STRN4: variants seen among roughly 807,000 people sequenced by gnomAD.
The protein encoded by STRN4 is striatin-4.
In STRN4, 27 loss-of-function variants were observed where a neutral mutation model predicts 77.9. The ratio of observed to expected loss-of-function variants is 0.35; its 90% CI spans 0.26 to 0.48. STRN4 has a LOEUF of 0.48. Among genes scored for constraint, STRN4 ranks in the 20% least tolerant of loss-of-function variants. The probability of loss-of-function intolerance (pLI) is 0.99; values close to 1 mark genes in which losing one functional copy is unlikely to be tolerated. For synonymous variants in STRN4, 466 were observed against 443.1 expected, an observed-to-expected ratio of 1.05 and a Z score of -0.65; for missense variants, 798 against 1,049.7, an observed-to-expected ratio of 0.76 and a Z score of 3.31.
At chr19:46,726,577 T>C (rs536370213) in intron 9 of STRN4, among the ~76,000 whole-genome samples, 18 of 151,176 alleles carry the variant, frequency 1.2e-4, no homozygotes, top group South Asian at 1.0e-3. Flanking sequence ...CACGTGACCA[T>C]GAAGGGGAGG....
chr19:46,744,208 A>C (rs2122424064), intron 1 of STRN4, among the ~76,000 whole-genome samples: 1 of 152,294 alleles, frequency 6.6e-6, no homozygotes, highest in Admixed American at 6.5e-5. Flanking sequence ...TGCCTACATC[A>C]CAGGGCATTG....
At chr19:46,721,868 A>C in intron 16 of STRN4, 118 bp downstream of exon 16, 1 of 1,098,080 alleles carries the variant, frequency 9.1e-7, no homozygotes, top group Non-Finnish European at 1.3e-6. Context: ...ATTCCCGCCC[A>C]GACCAGCCTC....
intron 3 of STRN4, among the ~76,000 whole-genome samples, chr19:46,737,558 C>T (rs950879453): frequency 1.4e-5 from 2 of 144,228 alleles, no homozygotes; most frequent in African/African-American, 5.0e-5. Context: ...ACATCCTCTG[C>T]CCTACACTGT....
In STRN4 at chr19:46,737,704, G is replaced by A. The variant is rs112496707; in HGVS notation, c.460+460C>T. 1.6e-3 allele frequency among the ~76,000 whole-genome samples: 248 copies of A among 152,276 alleles called. 2 individuals are homozygous for A. Among genetic ancestry groups the A allele is most frequent in the African/African-American group, 5.3e-3 (219 of 41,534 alleles). On this transcript the variant is annotated intron_variant, in intron 3 of 17. Coordinates refer to ENST00000263280, the MANE Select transcript of STRN4 (RefSeq NM_013403.3). ...GGAGCTTAGACTCTAAGGGACCAGA[G>A]GGTAGAGACCATGTCTCCCGTGCTC... is the stretch of plus-strand genomic sequence containing the variant.
intron 1 of STRN4, among the ~76,000 whole-genome samples, chr19:46,743,737 T>G (rs1167742595): frequency 1.3e-5 from 2 of 151,824 alleles, no homozygotes; most frequent in African/African-American, 4.8e-5. Flanking sequence ...CCATCTCTAC[T>G]AAAAATACAA....
chr19:46,732,891 T>G (rs903263273), intron 5 of STRN4, 148 bp downstream of exon 5: 2 of 927,910 alleles, frequency 2.2e-6, no homozygotes, highest in African/African-American at 1.7e-5. Context: ...GTGAAGGGAC[T>G]CAGGGTTTCA....
chr19:46,737,866 C>G (rs191171442), intron 3 of STRN4, among the ~76,000 whole-genome samples: 1 of 152,298 alleles, frequency 6.6e-6, no homozygotes, highest in Non-Finnish European at 1.5e-5. Flanking sequence ...GCACCGTCCC[C>G]AGCACTCTAT....
rs1405014367 is a variant in STRN4 at position 46,738,050 on chromosome 19, G to A, written c.460+114C>T. 45 of 1,116,396 alleles carry A rather than the reference G, an allele frequency of 4.0e-5. No individual in the cohort carries two copies. Among genetic ancestry groups the A allele is most frequent in the Non-Finnish European group, 5.7e-5 (42 of 732,522 alleles). 69.2% of individuals were successfully genotyped at this position (1,116,396 alleles called of 1,614,324 possible). On this transcript the variant is annotated intron_variant, in intron 3 of 17. Coordinates refer to ENST00000263280, the MANE Select transcript of STRN4 (RefSeq NM_013403.3). This position sits in a 1 kb window ranked among gnomAD's most constrained non-coding sequence, Gnocchi z 4.5. The stretch of plus-strand genomic sequence containing the variant: ...TCCGCCCCTCCCCAGCCCCGGGGCC[G>A]ATTCTGCCTTCTAAGGAGCAAAGTG...
Position 46,727,917 on chromosome 19 carries a change from G to A in STRN4, c.1130C>T (p.Thr377Ile), listed in dbSNP as rs760107449. 32 of 1,611,420 alleles carry A rather than the reference G, an allele frequency of 2.0e-5. No individual in the cohort carries two copies. The highest frequency in any genetic ancestry group is 1.5e-4 in the Admixed American group (9 of 59,820). The change falls in exon 8 of 18, where the codon ACA becomes ATA. Residue 377 changes from threonine to isoleucine, a missense_variant. Thr to Ile is a moderately conservative substitution (Grantham distance 89, BLOSUM62 -1). Transcript: ENST00000263280. ...PPKVTGPPPGTPQPRPHEDVF... is the reference protein window; with the variant it reads ...PPKVTGPPPGIPQPRPHEDVF... Reference sequence around the variant, plus strand: ...ACCTTCATGTGGCCGGGGCTGGGGTGTGCCAGGAGGCGGGCCAGTCACTTT... The same window carrying A: ...ACCTTCATGTGGCCGGGGCTGGGGTATGCCAGGAGGCGGGCCAGTCACTTT...
At position 46,738,294 on chromosome 19, in the gene STRN4, G is replaced by T; in HGVS notation, c.387-57C>A. 6.7e-7 allele frequency: 1 copy of T among 1,501,248 alleles called. No homozygotes were observed. 93.0% of individuals were successfully genotyped at this position (1,501,248 alleles called of 1,614,324 possible). A position where few individuals can be genotyped will look rare whatever the true frequency, so the allele number is the denominator to read the frequency against. On this transcript the variant is annotated intron_variant, in intron 2 of 17. Coordinates refer to ENST00000263280, the MANE Select transcript of STRN4 (RefSeq NM_013403.3). This position sits in a 1 kb window ranked among gnomAD's most constrained non-coding sequence, Gnocchi z 4.5. ...TGCGGGAGAGTAGACAGGGTCAGTA[G>T]TTACCTAAGGAATCCAGAATCCCAA...
At chr19:46,728,839 C>T (rs906658625) in intron 6 of STRN4, 62 bp from the exon 7 acceptor site, 40 of 1,590,756 alleles carry the variant, frequency 2.5e-5, no homozygotes, top group African/African-American at 8.1e-5. Context: ...AAGCCACCTC[C>T]GTGCCTAGGA....
Position 46,723,408 on chromosome 19 carries a change from A to G in STRN4, c.1595-124T>C. Reference sequence around the variant, plus strand: ...CTCCAATCACCCACGCACCCACTTCACACCTGGTGCCCCTCGGAACTGTCC... The same window carrying G: ...CTCCAATCACCCACGCACCCACTTCGCACCTGGTGCCCCTCGGAACTGTCC... On this transcript the variant is annotated intron_variant, in intron 12 of 17. Coordinates refer to ENST00000263280, the MANE Select transcript of STRN4 (RefSeq NM_013403.3). This position sits in a 1 kb window ranked among gnomAD's most constrained non-coding sequence, Gnocchi z 5.5. 1 of 1,228,534 alleles carries G rather than the reference A, an allele frequency of 8.1e-7. No homozygotes were observed. The highest frequency in any genetic ancestry group is 1.1e-6 in the Non-Finnish European group (1 of 906,360). The allele number at this position is 1,228,534 out of a possible 1,614,324, so 76.1% of individuals were successfully genotyped here.
Position 46,738,395 on chromosome 19 carries a change from G to A in STRN4, c.387-158C>T, listed in dbSNP as rs2054411546. Among the ~76,000 whole-genome samples, 1 of 152,076 alleles carries A rather than the reference G, an allele frequency of 6.6e-6. No homozygotes were observed. The highest frequency in any genetic ancestry group is 2.1e-4 in the South Asian group (1 of 4,828). The stretch of plus-strand genomic sequence containing the variant: ...ATCCCCCCACACCCCTGGCCTGGTG[G>A]AAGAAACCACTCCCTGGAGTCAGGC... On this transcript the variant is annotated intron_variant, in intron 2 of 17. Transcript: ENST00000263280. This position sits in a 1 kb window ranked among gnomAD's most constrained non-coding sequence, Gnocchi z 4.5.
In STRN4 at chr19:46,730,853, C is replaced by A. The variant is rs1466808240; in HGVS notation, c.758G>T (p.Gly253Val). The A allele has an allele frequency of 1.2e-6, 2 of 1,611,684 alleles. No homozygotes were observed. The highest frequency in any genetic ancestry group is 1.7e-6 in the Non-Finnish European group (2 of 1,179,994). Reference protein sequence around the residue: ...QIKRNAAGKDGKERLGGSVLG... With the variant: ...QIKRNAAGKDVKERLGGSVLG... Reference sequence around the variant, plus strand: ...CACTGAGCCGCCCAAGCGCTCTTTGCCATCTTTGCCTGCCGCGTTCCTGCC... The same window carrying A: ...CACTGAGCCGCCCAAGCGCTCTTTGACATCTTTGCCTGCCGCGTTCCTGCC... The change falls in exon 6 of 18, where the codon GGC (glycine) becomes GTC (valine). Residue 253 changes from glycine (G) to valine (V), a missense_variant. Gly to Val is a moderately radical substitution (Grantham distance 109, BLOSUM62 -3). This residue lies in a region of STRN4 where 511 missense variants were observed against 575.9 expected (regional missense o/e 0.89). Transcript: ENST00000263280.
At chr19:46,729,656 C>T (rs898632575) in intron 6 of STRN4, among the ~76,000 whole-genome samples, 1 of 152,204 alleles carries the variant, frequency 6.6e-6, no homozygotes, top group African/African-American at 2.4e-5. Context: ...GAGGGGCACA[C>T]GAGTGGCAAT....
At position 46,733,090 on chromosome 19, in the gene STRN4, A is replaced by G; in HGVS notation, c.686T>C (p.Leu229Pro). The G allele has an allele frequency of 6.2e-7, 1 of 1,613,480 alleles. No homozygotes were observed. The highest frequency in any genetic ancestry group is 8.5e-7 in the Non-Finnish European group (1 of 1,179,838). ...APRAPPGPAG[L>P]SGGESLLVKQ... is the part of the protein sequence containing the mutation. The stretch of plus-strand genomic sequence containing the variant: ...CACCAGCAGCGACTCCCCACCACTG[A>G]GCCCTGCAGGGCCTGGTGGAGCCCT... The change falls in exon 5 of 18, where the codon CTC (leucine) becomes CCC (proline). Residue 229 changes from leucine to proline, a missense_variant. Leu to Pro is a moderately conservative substitution (Grantham distance 98). This residue lies in a region of STRN4 where 511 missense variants were observed against 575.9 expected (regional missense o/e 0.89). Transcript: ENST00000263280. This position sits in a 1 kb window ranked among gnomAD's most constrained non-coding sequence, Gnocchi z 4.3.
Position 46,738,259 on chromosome 19 carries a change from G to T in STRN4, c.387-22C>A. 1 of 1,607,742 alleles carries T rather than the reference G, an allele frequency of 6.2e-7. No individual in the cohort carries two copies. On this transcript the variant is annotated intron_variant, in intron 2 of 17. Transcript: ENST00000263280. This position sits in a 1 kb window ranked among gnomAD's most constrained non-coding sequence, Gnocchi z 4.5. Reference sequence around the variant, plus strand: ...GGCCCTAAAAGAGCAAATGATTAATGAATAAGAGATGCGGGAGAGTAGACA... The same window carrying T: ...GGCCCTAAAAGAGCAAATGATTAATTAATAAGAGATGCGGGAGAGTAGACA...
chr19:46,720,942 T>A, intron 16 of STRN4, 171 bp from the exon 17 acceptor site: 2 of 612,222 alleles, frequency 3.3e-6, no homozygotes, highest in Non-Finnish European at 5.0e-6. Context: ...AGAACCCTGG[T>A]CCCCTCCTGT....
intron 11 of STRN4, 71 bp from the exon 12 acceptor site, chr19:46,724,999 T>C (rs1254101281): frequency 1.2e-6 from 2 of 1,601,574 alleles, no homozygotes; most frequent in Non-Finnish European, 1.7e-6. Context: ...AGGACCTAAG[T>C]TCCCTACTAG....
Sources: allele counts gnomAD v4.1 joint callset (sites outside exome capture counted in the v4.1 genomes callset), GRCh38; gene constraint gnomAD v4.1.1; regional missense constraint gnomAD v4.1.1; non-coding constraint Gnocchi (gnomAD v3.1); transcripts MANE v1.5; gene names NCBI Gene and HGNC (gene_info 2026-07-23, HGNC 2026-07-21).